Variants in ULK4 observed in about 807,000 individuals in gnomAD.
ULK4 encodes the protein unc-51 like kinase 4.
Under a neutral mutation model 160.6 loss-of-function variants are expected in ULK4, and 133 were observed. That is an observed-to-expected ratio of 0.83 (90% CI 0.72 to 0.96). ULK4 has a LOEUF of 0.96. ULK4 is among the 40% of genes least tolerant of loss of function. The pLI is 0.00. For missense variants in ULK4, 1,580 were observed against 1,499.5 expected, an observed-to-expected ratio of 1.05 and a Z score of -0.89; for synonymous variants, 534 against 539.8, an observed-to-expected ratio of 0.99 and a Z score of 0.15.
intron 35 of ULK4, among the ~76,000 whole-genome samples, chr3:41,311,330 A>G (rs569457284): frequency 3.3e-5 from 5 of 152,150 alleles, no homozygotes; most frequent in Admixed American, 6.5e-5. Context: ...CTGAGTGGAC[A>G]CCATCTAATC....
At chr3:41,860,194 G>C (rs922204013) in intron 17 of ULK4, among the ~76,000 whole-genome samples, 2 of 152,192 alleles carry the variant, frequency 1.3e-5, no homozygotes, top group African/African-American at 4.8e-5. Flanking sequence ...GAAAAAGAAT[G>C]TGCATTCTGC....
At chr3:41,414,145 G>A (rs1015539212) in intron 34 of ULK4, among the ~76,000 whole-genome samples, 4 of 152,250 alleles carry the variant, frequency 2.6e-5, no homozygotes, top group Admixed American at 6.5e-5. Context: ...AAGTTGCGGT[G>A]AGCAGAGATC....
chr3:41,759,965 C>T (rs544155746), intron 21 of ULK4, among the ~76,000 whole-genome samples: 10 of 152,042 alleles, frequency 6.6e-5, no homozygotes, highest in Non-Finnish European at 1.3e-4. Context: ...ATGTATTATA[C>T]AACTGAATAT....
intron 35 of ULK4, among the ~76,000 whole-genome samples, chr3:41,293,515 A>G (rs2079613281): frequency 6.6e-6 from 1 of 152,188 alleles, no homozygotes; most frequent in South Asian, 2.1e-4. Flanking sequence ...ATTCCCATAC[A>G]ACATGTTACA....
chr3:41,363,892 G>T (rs188977732), intron 35 of ULK4, among the ~76,000 whole-genome samples: 1 of 151,810 alleles, frequency 6.6e-6, no homozygotes, highest in South Asian at 2.1e-4. Context: ...CCAAGGAAGG[G>T]ACAGAGTGAA....
intron 20 of ULK4, among the ~76,000 whole-genome samples, chr3:41,794,683 A>AAAC (rs2040250039): frequency 7.9e-6 from 1 of 126,802 alleles, no homozygotes; most frequent in African/African-American, 3.2e-5. Context: ...AAAAAAAAAA[A>AAAC]AAACACAGAA....
At chr3:41,722,603 C>T (rs551712175) in intron 22 of ULK4, among the ~76,000 whole-genome samples, 1 of 151,974 alleles carries the variant, frequency 6.6e-6, no homozygotes, top group South Asian at 2.1e-4. Context: ...TGCACTCCAG[C>T]CTGGGCAATA....
intron 17 of ULK4, among the ~76,000 whole-genome samples, chr3:41,855,360 T>C (rs2042311184): frequency 6.6e-6 from 1 of 152,214 alleles, no homozygotes; most frequent in Non-Finnish European, 1.5e-5. Context: ...ATCCAGGTAC[T>C]GCCACACTGT....
chr3:41,817,613 A>C (rs2041014385), intron 19 of ULK4, among the ~76,000 whole-genome samples: 1 of 152,100 alleles, frequency 6.6e-6, no homozygotes, highest in Non-Finnish European at 1.5e-5. Context: ...GACACTGGAG[A>C]CTTCTAGAGG....
chr3:41,611,481 C>A (rs2032673514), intron 31 of ULK4, among the ~76,000 whole-genome samples: 1 of 152,200 alleles, frequency 6.6e-6, no homozygotes, highest in African/African-American at 2.4e-5. Flanking sequence ...CCTGGGACAT[C>A]GGATCGAACA....
chr3:41,822,587 T>C (rs2041180519), intron 18 of ULK4, among the ~76,000 whole-genome samples: 1 of 151,372 alleles, frequency 6.6e-6, no homozygotes, highest in East Asian at 1.9e-4. Flanking sequence ...CCGGCTAATT[T>C]TTTGTAGTTT....
At chr3:41,531,709 G>A (rs1559373082) in intron 32 of ULK4, among the ~76,000 whole-genome samples, 1 of 152,038 alleles carries the variant, frequency 6.6e-6, no homozygotes, top group Non-Finnish European at 1.5e-5. Context: ...AACAAATATT[G>A]TTTAAGTAGT....
intron 35 of ULK4, among the ~76,000 whole-genome samples, chr3:41,392,339 A>G (rs2081975063): frequency 6.6e-6 from 1 of 152,174 alleles, no homozygotes; most frequent in African/African-American, 2.4e-5. Flanking sequence ...GGCAAAACAC[A>G]TCCCATCTCC....
chr3:41,762,458 T>G (rs190789325), intron 21 of ULK4, among the ~76,000 whole-genome samples: 1 of 152,224 alleles, frequency 6.6e-6, no homozygotes, highest in African/African-American at 2.4e-5. Flanking sequence ...ACTATTGTAT[T>G]AGCCTATTCT....
rs183469734 is a variant in ULK4, at chr3:41,803,732, G to A, written c.1849-3439C>T. 6.7e-3 allele frequency among the ~76,000 whole-genome samples: 1,019 copies of A among 152,084 alleles called. 7 individuals are homozygous for A. The highest frequency in any genetic ancestry group is 0.022 in the African/African-American group (907 of 41,454). On this transcript the variant is annotated intron_variant, in intron 19 of 36. Coordinates refer to ENST00000301831, the MANE Select transcript of ULK4 (RefSeq NM_017886.4). ...TTCCCACCTATGAGTGAGAACATGC[G>A]GTGTTTGGTTTTTTGTCCTTGCAAT...
At chr3:41,350,502 G>A (rs768374268) in intron 35 of ULK4, among the ~76,000 whole-genome samples, 2 of 151,936 alleles carry the variant, frequency 1.3e-5, no homozygotes, top group African/African-American at 2.4e-5. Context: ...ACAATTTGAC[G>A]GCTTGCCTAA....
chr3:41,615,749 C>G (rs1196359973), intron 30 of ULK4, 32 bp from the exon 31 acceptor site: 3 of 1,597,360 alleles, frequency 1.9e-6, no homozygotes, highest in Non-Finnish European at 2.6e-6. Flanking sequence ...GATAAGTGCA[C>G]ATTAGACAAT....
intron 34 of ULK4, among the ~76,000 whole-genome samples, chr3:41,420,923 G>C (rs2082649995): frequency 6.6e-6 from 1 of 151,728 alleles, no homozygotes; most frequent in Admixed American, 6.6e-5. Flanking sequence ...AGACCAGCCT[G>C]GCCAACAAGA....
At chr3:41,446,474 G>C (rs2083299126) in intron 34 of ULK4, among the ~76,000 whole-genome samples, 2 of 151,970 alleles carry the variant, frequency 1.3e-5, no homozygotes, top group South Asian at 4.2e-4. Context: ...TTGGAACCAA[G>C]CCAAATGTCT....
Sources: gnomAD v4.1 joint callset for allele counts (sites outside exome capture counted in the v4.1 genomes callset) on GRCh38, gnomAD v4.1.1 for gene constraint, MANE v1.5 for transcripts, NCBI Gene and HGNC (gene_info 2026-07-23, HGNC 2026-07-21) for gene names.